The following CLSTN2 variants were observed in gnomAD, a reference collection of about 807,000 sequenced individuals.
CLSTN2 encodes the protein calsyntenin 2.
In CLSTN2, 48 loss-of-function variants were observed where a neutral mutation model predicts 101.2. The ratio of observed to expected loss-of-function variants is 0.47; its 90% CI spans 0.38 to 0.60. The LOEUF (loss-of-function observed/expected upper bound fraction) is 0.60. Among genes scored for constraint, CLSTN2 ranks in the 20% least tolerant of loss-of-function variants. The probability of loss-of-function intolerance (pLI) is 0.00; values close to 1 mark genes in which losing one functional copy is unlikely to be tolerated. For missense variants in CLSTN2, 1,160 were observed against 1,238.2 expected (o/e 0.94, Z 0.95); for synonymous variants, 481 against 463.6 (o/e 1.04, Z -0.48).
At chr3:140,318,008 C>A (rs1283261756) in intron 2 of CLSTN2, among the ~76,000 whole-genome samples, 1 of 152,184 alleles carries the variant, frequency 6.6e-6, no homozygotes, top group Non-Finnish European at 1.5e-5. Context: ...GCGCACATTA[C>A]CGCTGTATGG....
intron 2 of CLSTN2, among the ~76,000 whole-genome samples, chr3:140,352,145 G>T (rs1189377799): frequency 2.6e-5 from 4 of 152,168 alleles, no homozygotes; most frequent in Admixed American, 2.6e-4. Flanking sequence ...CCAGACGGTT[G>T]CTGTGACATT....
chr3:140,259,169 T>TG (rs1553726159), intron 2 of CLSTN2, among the ~76,000 whole-genome samples: 1 of 3,516 alleles, frequency 2.8e-4, no homozygotes, highest in Non-Finnish European at 7.8e-4. Flanking sequence ...AATAATTGAT[T>TG]GAAAAAAAAA....
chr3:140,295,424 T>G (rs2086993798), intron 2 of CLSTN2, among the ~76,000 whole-genome samples: 1 of 152,180 alleles, frequency 6.6e-6, no homozygotes, highest in Non-Finnish European at 1.5e-5. Flanking sequence ...ACAGAAAGGC[T>G]TCTGCCTTTC....
At chr3:140,510,216 G>A (rs1425582438) in intron 8 of CLSTN2, among the ~76,000 whole-genome samples, 2 of 152,168 alleles carry the variant, frequency 1.3e-5, no homozygotes. Context: ...TTGTAAAGTT[G>A]AACAATTATA....
At chr3:140,034,547 T>C (rs990343002) in intron 1 of CLSTN2, among the ~76,000 whole-genome samples, 3 of 152,210 alleles carry the variant, frequency 2.0e-5, no homozygotes, top group African/African-American at 7.2e-5. Context: ...ATGGCACACT[T>C]GCAAATGCTG....
intron 1 of CLSTN2, among the ~76,000 whole-genome samples, chr3:140,169,330 C>T (rs2010178613): frequency 1.3e-5 from 2 of 152,022 alleles, no homozygotes; most frequent in Admixed American, 1.3e-4. Context: ...TTAATATTGA[C>T]TTTCTATCTT....
At chr3:140,251,198 G>A (rs75308390) in intron 2 of CLSTN2, among the ~76,000 whole-genome samples, 2 of 152,130 alleles carry the variant, frequency 1.3e-5, no homozygotes, top group East Asian at 3.9e-4. Context: ...GAATGAATGA[G>A]TGATGTTGCC....
At chr3:140,155,947 C>T (rs997868371) in intron 1 of CLSTN2, among the ~76,000 whole-genome samples, 3 of 89,470 alleles carry the variant, frequency 3.4e-5, no homozygotes, top group Non-Finnish European at 5.4e-5. Flanking sequence ...CTTAGCCATG[C>T]TTTCTCTCAT....
chr3:140,382,571 C>G (rs184168791), intron 2 of CLSTN2, among the ~76,000 whole-genome samples: 3 of 152,324 alleles, frequency 2.0e-5, no homozygotes, highest in Admixed American at 1.3e-4. Flanking sequence ...GGGCTGTGCT[C>G]TACCTCATTC....
In CLSTN2 at chr3:140,552,383, G is replaced by A. The variant is rs1439540272; in HGVS notation, c.1675-4130G>A. On this transcript the variant is annotated intron_variant, in intron 10 of 16. Coordinates refer to ENST00000458420, the MANE Select transcript of CLSTN2 (RefSeq NM_022131.3). ...GTTTAATCAGAAACCCACCCACAGA[G>A]CTGGGAATACCGCAGTTTAAAAAAA... is the stretch of plus-strand genomic sequence containing the variant. 2.1e-5 allele frequency among the ~76,000 whole-genome samples: 3 copies of A among 142,496 alleles called. No homozygotes were observed. In the Admixed American group the frequency reaches 2.2e-4, roughly 11 times the overall value. The allele number at this position is 142,496 out of a possible 152,430, so 93.5% of individuals were successfully genotyped here. A position where few individuals can be genotyped will look rare whatever the true frequency, so the allele number is the denominator to read the frequency against.
In CLSTN2 at chr3:140,566,201, A is replaced by T; in HGVS notation, c.2816A>T (p.Asn939Ile). 6.2e-7 allele frequency: 1 copy of T among 1,602,636 alleles called. No homozygotes were observed. Among genetic ancestry groups the T allele is most frequent in the Non-Finnish European group, 8.5e-7 (1 of 1,174,216 alleles). ...ATGGGCAGAGGCAGACATGGGCAGA[A>T]TGGAGCCAGGCAAGCCCAGCTGGAG... ...EGMGRGRHGQ[N>I]GARQAQLEWD... Residue 939 changes from asparagine to isoleucine, a missense_variant, in exon 17 of 17, where the codon AAT (asparagine) becomes ATT (isoleucine). Coordinates refer to ENST00000458420, the MANE Select transcript of CLSTN2 (RefSeq NM_022131.3).
intron 2 of CLSTN2, among the ~76,000 whole-genome samples, chr3:140,248,933 G>C (rs1436146624): frequency 1.3e-5 from 2 of 152,152 alleles, no homozygotes; most frequent in African/African-American, 2.4e-5. Flanking sequence ...GGAGAGAAGT[G>C]GATTAAATGA....
intron 2 of CLSTN2, among the ~76,000 whole-genome samples, chr3:140,330,267 T>C (rs559812762): frequency 6.6e-6 from 1 of 152,278 alleles, no homozygotes; most frequent in Admixed American, 6.5e-5. Flanking sequence ...GCAGTGATGA[T>C]AGGTAAATCC....
intron 2 of CLSTN2, among the ~76,000 whole-genome samples, chr3:140,207,026 C>T (rs1462638414): frequency 1.3e-5 from 2 of 152,132 alleles, no homozygotes; most frequent in Non-Finnish European, 2.9e-5. Context: ...TTTGACCCAT[C>T]CAGGTGCTTA....
intron 2 of CLSTN2, among the ~76,000 whole-genome samples, chr3:140,357,712 A>C (rs982570950): frequency 6.6e-6 from 1 of 152,142 alleles, no homozygotes; most frequent in Non-Finnish European, 1.5e-5. Context: ...TTTTCTCAAC[A>C]TGCCTTTAGA....
At chr3:140,038,601 T>C (rs139243253) in intron 1 of CLSTN2, among the ~76,000 whole-genome samples, 67 of 152,268 alleles carry the variant, frequency 4.4e-4, no homozygotes, top group African/African-American at 1.6e-3. Flanking sequence ...GGCGTTTTTG[T>C]CATGAAATTT....
At chr3:140,111,448 A>G (rs2009153817) in intron 1 of CLSTN2, among the ~76,000 whole-genome samples, 1 of 152,148 alleles carries the variant, frequency 6.6e-6, no homozygotes, top group Non-Finnish European at 1.5e-5. Context: ...GACCTCGCAA[A>G]CGGGCCACCT....
rs145012470 is a variant in CLSTN2 at position 140,205,406 on chromosome 3, C to T, written c.232+29333C>T. On this transcript the variant is annotated intron_variant, in intron 2 of 16. Transcript: ENST00000458420. ...GACAAAACAGATGTGCCTGAAGCAC[C>T]TGAACATGGGATAAATATTTAAGGA... Among the ~76,000 whole-genome samples, 13 of 152,252 alleles carry T rather than the reference C, an allele frequency of 8.5e-5. No homozygotes were observed. The East Asian group carries it at 2.5e-3, about 29-fold the overall frequency.
chr3:140,541,099 T>TCCAAGAAATTCCCCCTTGAACCTTC (rs1935467021), intron 9 of CLSTN2, among the ~76,000 whole-genome samples: 1 of 151,760 alleles, frequency 6.6e-6, no homozygotes, highest in Non-Finnish European at 1.5e-5. Flanking sequence ...CCCATCCCCC[T>TCCAAGAAATTCCCCCTTGAACCTTC]CCAAGAAATT....
Sources: allele counts gnomAD v4.1 joint callset (sites outside exome capture counted in the v4.1 genomes callset), GRCh38; gene constraint gnomAD v4.1.1; transcripts MANE v1.5; gene names NCBI Gene and HGNC (gene_info 2026-07-23, HGNC 2026-07-21).